Variants in PTPRD observed in about 807,000 individuals in gnomAD.
The protein encoded by PTPRD is protein tyrosine phosphatase receptor type D.
PTPRD carries 34 observed loss-of-function variants against 214.5 expected under a neutral mutation model. That is an observed-to-expected ratio of 0.16 (90% CI 0.12 to 0.21). The LOEUF is 0.21. Among genes scored for constraint, PTPRD ranks in the 10% least tolerant of loss-of-function variants. The pLI is 1.00. For missense variants in PTPRD, 2,545 were observed against 2,398.7 expected (o/e 1.06, Z -1.27); for synonymous variants, 1,128 against 845.7 (o/e 1.33, Z -5.79).
rs190736013 is a variant in PTPRD, at chr9:9,069,759, T to C, written c.-142-51024A>G. ...AAGATGAAGGAAACATGTATACCTC[T>C]TAATTTAATATGGAAACCTCAGGTA... On this transcript the variant is annotated intron_variant, in intron 10 of 45. Coordinates refer to ENST00000381196, the MANE Select transcript of PTPRD (RefSeq NM_002839.4). 1.6e-3 allele frequency among the ~76,000 whole-genome samples: 245 copies of C among 152,328 alleles called. 1 individual carries two copies. Among genetic ancestry groups the C allele is most frequent in the Non-Finnish European group, 3.0e-3 (201 of 68,034 alleles).
At chr9:9,044,316 A>T (rs998110782) in intron 10 of PTPRD, among the ~76,000 whole-genome samples, 1 of 152,222 alleles carries the variant, frequency 6.6e-6, no homozygotes, top group Admixed American at 6.5e-5. Flanking sequence ...AAAAGAACAC[A>T]TATACACATA....
chr9:8,499,802 C>T lies in PTPRD; in HGVS notation c.2167G>A (p.Val723Ile), dbSNP rs2136838441. 2 of 1,613,292 alleles carry T rather than the reference C, an allele frequency of 1.2e-6. No individual in the cohort carries two copies. The highest frequency in any genetic ancestry group is 1.7e-6 in the Non-Finnish European group (2 of 1,179,664). Residue 723 changes from valine (V) to isoleucine (I), a missense_variant, in exon 25 of 46, where the codon GTC becomes ATC. Val to Ile is a conservative substitution (Grantham distance 29, BLOSUM62 3). Transcript: ENST00000381196. ...GAGACTTTAACAGATGTTGAGTTGACAGCCTCTACCTCGACTTTGCGAGGA... is the reference window on the plus strand; with the variant it reads ...GAGACTTTAACAGATGTTGAGTTGATAGCCTCTACCTCGACTTTGCGAGGA... ...GPPRKVEVEA[V>I]NSTSVKVSWR...
chr9:8,576,351 T>C (rs2092354945), intron 14 of PTPRD, among the ~76,000 whole-genome samples: 1 of 152,168 alleles, frequency 6.6e-6, no homozygotes, highest in African/African-American at 2.4e-5. Context: ...CCAAATACAA[T>C]GAAAGACTCT....
chr9:8,704,497 G>T lies in PTPRD; in HGVS notation c.64+29283C>A, dbSNP rs186595256. Among the ~76,000 whole-genome samples, 797 of 152,250 alleles carry T rather than the reference G, an allele frequency of 5.2e-3. 8 individuals are homozygous for T. The highest frequency in any genetic ancestry group is 0.018 in the African/African-American group (755 of 41,538). On this transcript the variant is annotated intron_variant, in intron 12 of 45. Transcript: ENST00000381196. The stretch of plus-strand genomic sequence containing the variant: ...CTGAGTTTGAGTCCTAGCTCATTAC[G>T]TAGAGTATCATGAACTTGAAAATGG...
intron 8 of PTPRD, among the ~76,000 whole-genome samples, chr9:9,507,238 T>A (rs546206051): frequency 6.6e-6 from 1 of 151,260 alleles, no homozygotes; most frequent in African/African-American, 2.4e-5. Context: ...AGCAAGGATA[T>A]ACAATATATA....
At chr9:8,578,229 A>C (rs987272865) in intron 14 of PTPRD, among the ~76,000 whole-genome samples, 4 of 152,196 alleles carry the variant, frequency 2.6e-5, no homozygotes, top group African/African-American at 9.6e-5. Context: ...AAAATGAATA[A>C]GATCATATGA....
chr9:10,587,893 G>A (rs568983464), intron 2 of PTPRD, among the ~76,000 whole-genome samples: 1 of 151,972 alleles, frequency 6.6e-6, no homozygotes, highest in South Asian at 2.1e-4. Flanking sequence ...CTGAAAATAG[G>A]ACATAGGCCC....
rs144375671 is a variant in PTPRD, at chr9:8,615,075, T to C, written c.352+18242A>G. ...TTTCACTGCCAACCTGCTTTGATAA[T>C]GTTCTGGGGGCTTTACCAGAATGAC... is the stretch of plus-strand genomic sequence containing the variant. On this transcript the variant is annotated intron_variant, in intron 14 of 45. Coordinates refer to ENST00000381196, the MANE Select transcript of PTPRD (RefSeq NM_002839.4). Among the ~76,000 whole-genome samples the C allele has an allele frequency of 3.7e-4, 57 of 152,238 alleles. No homozygotes were observed. In the East Asian group the frequency reaches 7.9e-3, roughly 21 times the overall value.
Position 8,644,971 on chromosome 9 carries a change from G to A in PTPRD, c.65-8127C>T, listed in dbSNP as rs543905317. Among the ~76,000 whole-genome samples the A allele has an allele frequency of 2.6e-5, 4 of 152,282 alleles. No homozygotes were observed. The East Asian group carries it at 7.7e-4, about 29-fold the overall frequency. Reference sequence around the variant, plus strand: ...CACTGGCCACAGAGGTTTCTGGCCAGGAAAATAACACCCCAAAGATCTTGT... The same window carrying A: ...CACTGGCCACAGAGGTTTCTGGCCAAGAAAATAACACCCCAAAGATCTTGT... On this transcript the variant is annotated intron_variant, in intron 12 of 45. Transcript: ENST00000381196.
intron 9 of PTPRD, among the ~76,000 whole-genome samples, chr9:9,387,031 G>A (rs781215612): frequency 6.6e-6 from 1 of 152,180 alleles, no homozygotes; most frequent in Non-Finnish European, 1.5e-5. Flanking sequence ...GAGGGACTTT[G>A]ATGTGAGTGC....
chr9:8,482,863 C>G (rs2096916406), intron 30 of PTPRD, among the ~76,000 whole-genome samples: 1 of 152,044 alleles, frequency 6.6e-6, no homozygotes, highest in Admixed American at 6.5e-5. Flanking sequence ...TATAGTCTCT[C>G]TTTTATTATT....
At chr9:9,357,830 G>A (rs1327237456) in intron 9 of PTPRD, among the ~76,000 whole-genome samples, 1 of 150,040 alleles carries the variant, frequency 6.7e-6, no homozygotes, top group Admixed American at 6.7e-5. Flanking sequence ...TATATTTATT[G>A]ATTGGACTTG....
chr9:8,899,555 T>G (rs946543279), intron 11 of PTPRD, among the ~76,000 whole-genome samples: 1 of 152,166 alleles, frequency 6.6e-6, no homozygotes, highest in African/African-American at 2.4e-5. Flanking sequence ...ACAGATTGTT[T>G]CCATTTTTGC....
At chr9:9,240,020 T>C (rs2099969577) in intron 9 of PTPRD, among the ~76,000 whole-genome samples, 1 of 152,156 alleles carries the variant, frequency 6.6e-6, no homozygotes. Context: ...TTGGTTTCAA[T>C]TTTTCAAAAG....
At chr9:10,016,289 T>A (rs1208775014) in intron 4 of PTPRD, among the ~76,000 whole-genome samples, 1 of 152,130 alleles carries the variant, frequency 6.6e-6, no homozygotes, top group African/African-American at 2.4e-5. Flanking sequence ...TTTACAGTAG[T>A]GAGTTATAAC....
intron 4 of PTPRD, among the ~76,000 whole-genome samples, chr9:9,950,961 G>A (rs1274219369): frequency 2.0e-5 from 3 of 152,116 alleles, no homozygotes; most frequent in Admixed American, 1.3e-4. Flanking sequence ...GCAGAAAGCT[G>A]ACTCTAAGAA....
At chr9:9,162,499 G>A (rs1262092314) in intron 10 of PTPRD, among the ~76,000 whole-genome samples, 1 of 152,044 alleles carries the variant, frequency 6.6e-6, no homozygotes, top group Non-Finnish European at 1.5e-5. Context: ...GGACAAGGAA[G>A]AGTTGACTTT....
intron 3 of PTPRD, among the ~76,000 whole-genome samples, chr9:10,049,314 G>C (rs2097476202): frequency 6.6e-6 from 1 of 150,762 alleles, no homozygotes; most frequent in Non-Finnish European, 1.5e-5. Flanking sequence ...TTAGAAACTG[G>C]CCCTGCATCT....
At chr9:8,352,102 T>A (rs569999724) in intron 39 of PTPRD, among the ~76,000 whole-genome samples, 1 of 150,204 alleles carries the variant, frequency 6.7e-6, no homozygotes, top group Non-Finnish European at 1.5e-5. Context: ...TTTTCAAATA[T>A]GTAGACTCAA....
Sources: allele counts gnomAD v4.1 joint callset (sites outside exome capture counted in the v4.1 genomes callset), GRCh38; gene constraint gnomAD v4.1.1; transcripts MANE v1.5; gene names NCBI Gene and HGNC (gene_info 2026-07-23, HGNC 2026-07-21).